Variants in EED observed in about 807,000 individuals in gnomAD.
EED encodes embryonic ectoderm development.
A neutral mutation model predicts 61.0 loss-of-function variants in EED; 9 were observed. The observed-to-expected ratio is 0.15, with a 90% CI of 0.09 to 0.26. The LOEUF (loss-of-function observed/expected upper bound fraction) is 0.26, where lower values mean the gene tolerates loss of function less well. Ranked by LOEUF, EED falls within the 10% of genes least tolerant of loss-of-function variation. The probability of loss-of-function intolerance (pLI) is 1.00; values close to 1 mark genes in which losing one functional copy is unlikely to be tolerated. For synonymous variants in EED, 187 were observed against 174.4 expected, an observed-to-expected ratio of 1.07 and a Z score of -0.57; for missense variants, 315 against 542.3, an observed-to-expected ratio of 0.58 and a Z score of 4.16.
chr11:86,251,677 A>C (rs574203717), intron 2 of EED, among the ~76,000 whole-genome samples: 1 of 152,310 alleles, frequency 6.6e-6, no homozygotes, highest in South Asian at 2.1e-4. Flanking sequence ...AACAGAAAAC[A>C]GTGATTTGAA....
At chr11:86,257,484 G>T (rs746689199) in intron 5 of EED, 31 bp from the exon 6 acceptor site, 1 of 1,544,062 alleles carries the variant, frequency 6.5e-7, no homozygotes, top group African/African-American at 1.4e-5. Context: ...TTTTGAGATA[G>T]GAAACTTGAA....
Position 86,244,965 on chromosome 11 carries a change from G to GCATCATT in EED, c.-265_-264insCATCATT. 2.5e-6 allele frequency: 1 copy of GCATCATT among 393,294 alleles called. No individual in the cohort carries two copies. Among genetic ancestry groups the GCATCATT allele is most frequent in the Non-Finnish European group, 4.6e-6 (1 of 219,336 alleles). 24.4% of individuals were successfully genotyped at this position (393,294 alleles called of 1,614,324 possible). ...GTGTAGACTGCCGGGAGGGCGGCGG[G>GCATCATT]AAAAGGGCAAGACGGGAGTTGGGGA... On this transcript the variant is annotated 5_prime_UTR_variant, in exon 1 of 12. Coordinates refer to ENST00000263360, the MANE Select transcript of EED (RefSeq NM_003797.5).
At chr11:86,260,982 C>T (rs187910674) in intron 6 of EED, among the ~76,000 whole-genome samples, 10 of 151,218 alleles carry the variant, frequency 6.6e-5, no homozygotes, top group Admixed American at 5.3e-4. Flanking sequence ...CATGACCTAA[C>T]GCTTCTCATT....
chr11:86,277,063 G>T lies in EED; in HGVS notation c.1050G>T (p.Val350=). 1.3e-6 allele frequency: 2 copies of T among 1,591,844 alleles called. No individual in the cohort carries two copies. Among genetic ancestry groups the T allele is most frequent in the Non-Finnish European group, 1.7e-6 (2 of 1,165,098 alleles). ...AAATTAAACCCAGTGAATCTAATGT[G>T]ACTATTCTTGGGCGATTTGATTACA... is the stretch of plus-strand genomic sequence containing the variant. ...IDKIKPSESN[V]TILGRFDYSQ... Residue 350 remains valine, a synonymous_variant, in exon 10 of 12, where the codon GTG becomes GTT. Coordinates refer to ENST00000263360, the MANE Select transcript of EED (RefSeq NM_003797.5).
At chr11:86,283,423 A>T (rs1946345548), downstream of EED, among the ~76,000 whole-genome samples, 1 of 152,090 alleles carries the variant, frequency 6.6e-6, no homozygotes, top group Non-Finnish European at 1.5e-5. Flanking sequence ...ATTATCACCT[A>T]CTATACTGCG....
intron 6 of EED, among the ~76,000 whole-genome samples, chr11:86,258,315 GGATTTCCT>G (rs1945728579): frequency 1.3e-5 from 2 of 152,010 alleles, no homozygotes; most frequent in South Asian, 2.1e-4. Context: ...GTTTTATAAA[GGATTTCCT>G]ATAGAATTTC....
At chr11:86,247,465 G>T (rs1475900115) in intron 1 of EED, among the ~76,000 whole-genome samples, 4 of 152,218 alleles carry the variant, frequency 2.6e-5, no homozygotes, top group Non-Finnish European at 2.9e-5. Context: ...CAGCGGGTCT[G>T]ATAGTAGTGA....
downstream of EED, among the ~76,000 whole-genome samples, chr11:86,279,513 A>G (rs1180026311): frequency 1.3e-5 from 2 of 152,246 alleles, no homozygotes; most frequent in African/African-American, 4.8e-5. Flanking sequence ...GTGAAGACCA[A>G]GATCACATGT....
intron 1 of EED, among the ~76,000 whole-genome samples, chr11:86,246,021 G>A (rs1295927357): frequency 6.6e-6 from 1 of 152,174 alleles, no homozygotes; most frequent in Non-Finnish European, 1.5e-5. Flanking sequence ...GGGGGGTGGC[G>A]ACCTGGAAGA....
rs911911487 is a variant in EED, at chr11:86,245,026, C to T, written c.-204C>T. The T allele has an allele frequency of 7.2e-5, 34 of 473,212 alleles. No individual in the cohort carries two copies. The highest frequency in any genetic ancestry group is 7.9e-5 in the Non-Finnish European group (21 of 266,232). 29.3% of individuals were successfully genotyped at this position (473,212 alleles called of 1,614,324 possible). A position where few individuals can be genotyped will look rare whatever the true frequency, so the allele number is the denominator to read the frequency against. ...CCAGGAAGCCGCGCGGGAGGGCGCG[C>T]GCGCGCGCCCCTTTTTCAGCAGTGT... is the stretch of plus-strand genomic sequence containing the variant. On this transcript the variant is annotated 5_prime_UTR_variant, in exon 1 of 12. Coordinates refer to ENST00000263360, the MANE Select transcript of EED (RefSeq NM_003797.5).
intron 8 of EED, 75 bp downstream of exon 8, chr11:86,266,291 C>A: frequency 7.7e-7 from 1 of 1,303,374 alleles, no homozygotes; most frequent in South Asian, 1.7e-5. Context: ...CCCAAAATTG[C>A]TATATAAGCC....
intron 8 of EED, among the ~76,000 whole-genome samples, chr11:86,266,509 G>A (rs1438234072): frequency 6.6e-6 from 1 of 152,094 alleles, no homozygotes. Context: ...AGTTATAAAT[G>A]TAAAAGTTTT....
At chr11:86,268,611 G>A (rs1258608377) in intron 9 of EED, 50 bp downstream of exon 9, 187 of 1,181,808 alleles carry the variant, frequency 1.6e-4, no homozygotes, top group Non-Finnish European at 2.0e-4. Context: ...GTGTGTGTGT[G>A]TGTGTGTGTG....
At chr11:86,270,453 G>T (rs575954964) in intron 9 of EED, among the ~76,000 whole-genome samples, 47 of 150,246 alleles carry the variant, frequency 3.1e-4, no homozygotes, top group African/African-American at 1.1e-3. Flanking sequence ...TTTTCTTTCA[G>T]TCTGTAGCTT....
Position 86,251,227 on chromosome 11 carries a change from A to G in EED, c.267+779A>G, listed in dbSNP as rs542857055. Among the ~76,000 whole-genome samples the G allele has an allele frequency of 5.9e-5, 9 of 152,314 alleles. No homozygotes were observed. In the East Asian group the frequency reaches 1.7e-3, roughly 29 times the overall value. ...ATGACATTTTTCTGTCTGTGTAGCA[A>G]AAATTCGATGCTCAGTGTGTCAGAT... On this transcript the variant is annotated intron_variant, in intron 2 of 11. Transcript: ENST00000263360.
At position 86,278,551 on chromosome 11, in the gene EED, AGT is replaced by A. The variant is rs1334926346; in HGVS notation, c.*31_*32del. 8.1e-6 allele frequency: 13 copies of A among 1,610,734 alleles called. No individual in the cohort carries two copies. The highest frequency in any genetic ancestry group is 1.1e-5 in the Non-Finnish European group (13 of 1,178,404). On this transcript the variant is annotated 3_prime_UTR_variant, in exon 12 of 12. Transcript: ENST00000263360. ...AATACTTTTGCCTAATCAAAATTAGAGTGTGTTTGTTGTCTGTGTAAAATAGA... is the reference window on the plus strand; with the variant it reads ...AATACTTTTGCCTAATCAAAATTAGAGTGTTTGTTGTCTGTGTAAAATAGA...
chr11:86,247,167 C>T (rs1205374523), intron 1 of EED, among the ~76,000 whole-genome samples: 8 of 152,150 alleles, frequency 5.3e-5, no homozygotes, highest in Admixed American at 5.2e-4. Flanking sequence ...ATATTCTTTG[C>T]TGCAATTTTA....
intron 9 of EED, among the ~76,000 whole-genome samples, 180 bp downstream of exon 9, chr11:86,268,741 T>G (rs534599573): frequency 6.6e-6 from 1 of 152,260 alleles, no homozygotes; most frequent in Non-Finnish European, 1.5e-5. Context: ...ATTTAGAAAC[T>G]TGTTTTAAGA....
intron 6 of EED, among the ~76,000 whole-genome samples, chr11:86,259,424 GCCTCAA>G (rs975379724): frequency 2.0e-5 from 3 of 151,940 alleles, no homozygotes; most frequent in South Asian, 2.1e-4. Flanking sequence ...GCTCACTGTA[GCCTCAA>G]CCTACCAAGT....
Sources: gnomAD v4.1 joint callset for allele counts (sites outside exome capture counted in the v4.1 genomes callset) on GRCh38, gnomAD v4.1.1 for gene constraint, MANE v1.5 for transcripts, NCBI Gene and HGNC (gene_info 2026-07-23, HGNC 2026-07-21) for gene names.